GRIN2B: variants seen among roughly 807,000 people sequenced by gnomAD.
GRIN2B encodes the protein glutamate ionotropic receptor NMDA type subunit 2B.
Under a neutral mutation model 114.5 loss-of-function variants are expected in GRIN2B, and 5 were observed. The ratio of observed to expected loss-of-function variants is 0.04; its 90% CI spans 0.02 to 0.09. The LOEUF (loss-of-function observed/expected upper bound fraction) is 0.09, where lower values mean the gene tolerates loss of function less well. Among genes scored for constraint, GRIN2B ranks in the 10% least tolerant of loss-of-function variants. GRIN2B has a pLI of 1.00. For synonymous variants in GRIN2B, 787 were observed against 745.1 expected (o/e 1.06, Z -0.92); for missense variants, 1,108 against 1,943.5 (o/e 0.57, Z 8.08).
At chr12:13,678,969 G>A (rs902251806) in intron 4 of GRIN2B, among the ~76,000 whole-genome samples, 9 of 150,728 alleles carry the variant, frequency 6.0e-5, no homozygotes, top group African/African-American at 2.0e-4. Flanking sequence ...AAGGAGGAAG[G>A]AAAGAAGGAA....
intron 4 of GRIN2B, among the ~76,000 whole-genome samples, chr12:13,679,597 C>T (rs1157370644): frequency 6.6e-6 from 1 of 152,118 alleles, no homozygotes; most frequent in Admixed American, 6.6e-5. Context: ...TCCAAAGTAT[C>T]CTTTCATCAT....
chr12:13,811,921 C>A (rs937946215), intron 3 of GRIN2B, among the ~76,000 whole-genome samples: 1 of 152,180 alleles, frequency 6.6e-6, no homozygotes, highest in African/African-American at 2.4e-5. Flanking sequence ...TATGAATGGG[C>A]CTCAAGGGAT....
At chr12:13,645,822 C>T (rs1591656723) in intron 5 of GRIN2B, among the ~76,000 whole-genome samples, 2 of 152,172 alleles carry the variant, frequency 1.3e-5, no homozygotes, top group East Asian at 3.9e-4. Context: ...TTCTCTGATT[C>T]ACTCGCATTT....
At chr12:13,862,062 C>T (rs948869427) in intron 3 of GRIN2B, among the ~76,000 whole-genome samples, 6 of 152,282 alleles carry the variant, frequency 3.9e-5, no homozygotes, top group African/African-American at 1.4e-4. Flanking sequence ...GGAAGTGATG[C>T]CCGAATCCAG....
At chr12:13,624,775 C>T (rs1949551440) in intron 5 of GRIN2B, among the ~76,000 whole-genome samples, 1 of 152,176 alleles carries the variant, frequency 6.6e-6, no homozygotes, top group Non-Finnish European at 1.5e-5. Context: ...GCCTCAGATG[C>T]TATCCCTGGC....
intron 2 of GRIN2B, among the ~76,000 whole-genome samples, chr12:13,962,225 C>T (rs1464904248): frequency 6.6e-6 from 1 of 152,018 alleles, no homozygotes; most frequent in African/African-American, 2.4e-5. Context: ...CCAACTGCAC[C>T]GAGGAACCAG....
intron 2 of GRIN2B, among the ~76,000 whole-genome samples, chr12:13,891,055 C>T (rs1205912269): frequency 6.6e-6 from 1 of 152,212 alleles, no homozygotes; most frequent in African/African-American, 2.4e-5. Context: ...AGCTGATTGC[C>T]ATCTTTCATC....
rs541748252 is a variant in GRIN2B at position 13,967,166 on chromosome 12, T to C, written c.-19+12762A>G. Among the ~76,000 whole-genome samples, 3 of 152,354 alleles carry C rather than the reference T, an allele frequency of 2.0e-5. No individual in the cohort carries two copies. The East Asian group carries it at 5.8e-4, about 29-fold the overall frequency. On this transcript the variant is annotated intron_variant, in intron 2 of 13. Transcript: ENST00000609686. Reference sequence around the variant, plus strand: ...TTTCTGGAAGACTGTCTTGGCTGTGTCCTATAGCTAATGAGCACATCAGAA... The same window carrying C: ...TTTCTGGAAGACTGTCTTGGCTGTGCCCTATAGCTAATGAGCACATCAGAA...
intron 12 of GRIN2B, among the ~76,000 whole-genome samples, chr12:13,568,701 C>G (rs1188555359): frequency 6.6e-6 from 1 of 152,218 alleles, no homozygotes; most frequent in East Asian, 1.9e-4. Flanking sequence ...TGGCTGATGG[C>G]TGGTGAAGCC....
At chr12:13,834,218 T>TTTTTTTTTTTTTTTTTTC (rs1565555844) in intron 3 of GRIN2B, among the ~76,000 whole-genome samples, 72 of 146,588 alleles carry the variant, frequency 4.9e-4, no homozygotes, top group African/African-American at 1.8e-3. Flanking sequence ...TTTTTTTTTT[T>TTTTTTTTTTTTTTTTTTC]AGTAGAGATG....
Position 13,563,877 on chromosome 12 carries a change from G to A in GRIN2B, c.3361C>T (p.Arg1121Cys), listed in dbSNP as rs1948593127. 1.3e-5 allele frequency: 21 copies of A among 1,614,096 alleles called. No homozygotes were observed. Among genetic ancestry groups the A allele is most frequent in the South Asian group, 2.2e-5 (2 of 91,080 alleles). ...RRPPRSPDHK[R>C]YFRDKEGLRD... ...AGCCCTTCCTTGTCCCTGAAGTAGCGCTTGTGGTCAGGGGAGCGGGGCGGT... is the reference window on the plus strand; with the variant it reads ...AGCCCTTCCTTGTCCCTGAAGTAGCACTTGTGGTCAGGGGAGCGGGGCGGT... The change falls in exon 14 of 14, where the codon CGC (arginine) becomes TGC (cysteine). Residue 1121 changes from arginine (R) to cysteine (C), a missense_variant. By Grantham distance (180) the Arg-to-Cys change is radical. Coordinates refer to ENST00000609686, the MANE Select transcript of GRIN2B (RefSeq NM_000834.5).
chr12:13,674,210 G>A (rs1376923405), intron 5 of GRIN2B, among the ~76,000 whole-genome samples: 2 of 151,946 alleles, frequency 1.3e-5, no homozygotes, highest in African/African-American at 4.8e-5. Context: ...AAATTTGAAA[G>A]TTGGCCAGGC....
chr12:13,790,209 T>C (rs1565538186), intron 3 of GRIN2B, among the ~76,000 whole-genome samples: 1 of 152,208 alleles, frequency 6.6e-6, no homozygotes, highest in Admixed American at 6.5e-5. Flanking sequence ...GCCTTCGGCC[T>C]GCAGGACCTT....
chr12:13,881,046 A>G (rs536145980), intron 2 of GRIN2B, among the ~76,000 whole-genome samples: 40 of 152,268 alleles, frequency 2.6e-4, no homozygotes, highest in African/African-American at 9.1e-4. Context: ...GCAGGTGTGC[A>G]TGCACATGTG....
At chr12:13,898,502 T>C (rs934506261) in intron 2 of GRIN2B, among the ~76,000 whole-genome samples, 3 of 152,202 alleles carry the variant, frequency 2.0e-5, no homozygotes, top group Non-Finnish European at 4.4e-5. Flanking sequence ...GTATGACCAC[T>C]ATGTGGCCAG....
intron 4 of GRIN2B, among the ~76,000 whole-genome samples, chr12:13,731,013 G>C (rs1293013408): frequency 6.6e-6 from 1 of 151,954 alleles, no homozygotes; most frequent in African/African-American, 2.4e-5. Flanking sequence ...GAACACTGTG[G>C]CTCCTCCTGC....
intron 10 of GRIN2B, among the ~76,000 whole-genome samples, chr12:13,576,530 CTTTA>C (rs1371389388): frequency 6.7e-6 from 1 of 150,114 alleles, no homozygotes; most frequent in Non-Finnish European, 1.5e-5. Context: ...GTATAGTACT[CTTTA>C]TTTTCTTTTT....
At chr12:13,963,847 C>T (rs547265959) in intron 2 of GRIN2B, among the ~76,000 whole-genome samples, 3 of 152,232 alleles carry the variant, frequency 2.0e-5, no homozygotes, top group East Asian at 3.9e-4. Context: ...CCTGAGGGTG[C>T]CAGGACTCAG....
intron 10 of GRIN2B, among the ~76,000 whole-genome samples, chr12:13,594,468 G>A (rs1160978767): frequency 6.6e-6 from 1 of 151,174 alleles, no homozygotes; most frequent in Admixed American, 6.6e-5. Flanking sequence ...AGTGGGAGTT[G>A]AGCAATGAGA....
Sources: gnomAD v4.1 joint callset for allele counts (sites outside exome capture counted in the v4.1 genomes callset) on GRCh38, gnomAD v4.1.1 for gene constraint, MANE v1.5 for transcripts, NCBI Gene and HGNC (gene_info 2026-07-23, HGNC 2026-07-21) for gene names.